COLGALT2: variants seen among roughly 807,000 people sequenced by gnomAD.
COLGALT2 encodes the protein procollagen galactosyltransferase 2.
Under a neutral mutation model 73.4 loss-of-function variants are expected in COLGALT2, and 49 were observed. That is an observed-to-expected ratio of 0.67 (90% CI 0.53 to 0.85). The LOEUF (loss-of-function observed/expected upper bound fraction) is 0.85, where lower values mean the gene tolerates loss of function less well. COLGALT2 is among the 40% of genes least tolerant of loss of function. The probability of loss-of-function intolerance (pLI) is 0.00; values close to 1 mark genes in which losing one functional copy is unlikely to be tolerated. For synonymous variants in COLGALT2, 295 were observed against 307.6 expected (o/e 0.96, Z 0.43); for missense variants, 722 against 790.2 (o/e 0.91, Z 1.03).
chr1:184,005,207 C>A (rs1672040010), intron 1 of COLGALT2, among the ~76,000 whole-genome samples: 1 of 152,176 alleles, frequency 6.6e-6, no homozygotes, highest in Non-Finnish European at 1.5e-5. Context: ...GCCCAAACTT[C>A]TCCAGGCTCC....
chr1:184,008,077 T>C (rs1672131312), intron 1 of COLGALT2, among the ~76,000 whole-genome samples: 1 of 152,130 alleles, frequency 6.6e-6, no homozygotes, highest in Non-Finnish European at 1.5e-5. Context: ...GGAAATACAT[T>C]AACCAAGTGA....
rs551983616 is a variant in COLGALT2 at position 183,970,921 on chromosome 1, G to A, written c.628-1448C>T. ...GTCTTCCAAGAGATAAAGGGGACTC[G>A]GGTTTTTTAAAGGGCTGCCTAAGTA... On this transcript the variant is annotated intron_variant, in intron 4 of 11. Transcript: ENST00000361927. Among the ~76,000 whole-genome samples the A allele has an allele frequency of 8.5e-5, 13 of 152,234 alleles. No homozygotes were observed. The South Asian group carries it at 2.5e-3, about 29-fold the overall frequency.
intron 1 of COLGALT2, among the ~76,000 whole-genome samples, chr1:184,031,255 C>G (rs1220816925): frequency 1.3e-5 from 2 of 152,168 alleles, no homozygotes; most frequent in Non-Finnish European, 2.9e-5. Flanking sequence ...TTAGTGCCAC[C>G]TTAATCATTT....
At chr1:183,951,379 T>C (rs1670397493) in intron 7 of COLGALT2, among the ~76,000 whole-genome samples, 1 of 152,170 alleles carries the variant, frequency 6.6e-6, no homozygotes. Flanking sequence ...CTCCCTTCTC[T>C]TGAAATAGGA....
At chr1:184,033,365 C>A (rs1649574504) in intron 1 of COLGALT2, among the ~76,000 whole-genome samples, 1 of 152,182 alleles carries the variant, frequency 6.6e-6, no homozygotes, top group Non-Finnish European at 1.5e-5. Context: ...CAATGCCTCA[C>A]AGTTCCCTTC....
In COLGALT2 at chr1:183,973,640, A is replaced by G. The variant is rs947055674; in HGVS notation, c.603T>C (p.Asn201=). 1.7e-5 allele frequency: 27 copies of G among 1,614,126 alleles called. No homozygotes were observed. Among genetic ancestry groups the G allele is most frequent in the Non-Finnish European group, 2.0e-5 (24 of 1,180,010 alleles). Residue 201 remains asparagine (N), a synonymous_variant, in exon 4 of 12, where the codon AAT becomes AAC. Transcript: ENST00000361927. ...CCTTAGGGGTGATTCCGCACCAGAA[A>G]TTAGAATACAGGCCCCGAGACTCCA... is the stretch of plus-strand genomic sequence containing the variant. ...PMLESRGLYS[N]FWCGITPKGF... is the part of the protein sequence containing the mutation.
chr1:183,978,444 G>C lies in COLGALT2; in HGVS notation c.340C>G (p.His114Asp). The change falls in exon 2 of 12, where the codon CAC becomes GAC. Residue 114 changes from histidine to aspartate, a missense_variant. Physicochemically the swap from His to Asp is moderately conservative, Grantham distance 81 (BLOSUM62 -1). Coordinates refer to ENST00000361927, the MANE Select transcript of COLGALT2 (RefSeq NM_015101.4). ...EWLKNVQRLY[H>D]YVEWRPMDEP... The stretch of plus-strand genomic sequence containing the variant: ...TCCATAGGCCTCCACTCCACATAGT[G>C]ATAGAGTCTCTGTACATTTTTCAAC... The C allele has an allele frequency of 6.2e-7, 1 of 1,611,382 alleles. No individual in the cohort carries two copies. Among genetic ancestry groups the C allele is most frequent in the South Asian group, 1.1e-5 (1 of 90,984 alleles).
intron 5 of COLGALT2, among the ~76,000 whole-genome samples, chr1:183,966,809 G>A (rs1428227837): frequency 6.6e-6 from 1 of 152,174 alleles, no homozygotes; most frequent in Non-Finnish European, 1.5e-5. Context: ...ATGACCATAT[G>A]TGCTCTCTTC....
chr1:183,931,275 TC>T (rs1034396990), downstream of COLGALT2, among the ~76,000 whole-genome samples: 2 of 151,990 alleles, frequency 1.3e-5, no homozygotes, highest in Non-Finnish European at 2.9e-5. Context: ...GTGGGCTCCA[TC>T]CCCAGCCTTC....
At chr1:184,028,093 T>C (rs1386818333) in intron 1 of COLGALT2, among the ~76,000 whole-genome samples, 3 of 152,188 alleles carry the variant, frequency 2.0e-5, no homozygotes, top group Non-Finnish European at 2.9e-5. Flanking sequence ...ATAATCATTG[T>C]GGTGTGTGGT....
At chr1:183,931,747 A>G (rs2102780342), downstream of COLGALT2, among the ~76,000 whole-genome samples, 1 of 151,870 alleles carries the variant, frequency 6.6e-6, no homozygotes, top group South Asian at 2.1e-4. Flanking sequence ...TATGTGCTAC[A>G]GTTCCAATTT....
intron 6 of COLGALT2, among the ~76,000 whole-genome samples, chr1:183,961,206 G>A (rs915734357): frequency 6.6e-6 from 1 of 152,186 alleles, no homozygotes; most frequent in African/African-American, 2.4e-5. Context: ...AGCACTAGAG[G>A]TGGCATGTGT....
chr1:183,944,685 G>A (rs1670203019), intron 9 of COLGALT2, among the ~76,000 whole-genome samples: 1 of 152,140 alleles, frequency 6.6e-6, no homozygotes, highest in South Asian at 2.1e-4. Context: ...GGCAGTACGG[G>A]GTGGGGGGGT....
At chr1:183,970,637 A>G (rs1572646866) in intron 4 of COLGALT2, among the ~76,000 whole-genome samples, 1 of 152,026 alleles carries the variant, frequency 6.6e-6, no homozygotes, top group East Asian at 1.9e-4. Flanking sequence ...CATCTTAATC[A>G]CCTTCTAGCC....
chr1:184,035,281 G>A (rs1649638074), intron 1 of COLGALT2, among the ~76,000 whole-genome samples: 1 of 152,134 alleles, frequency 6.6e-6, no homozygotes, highest in African/African-American at 2.4e-5. Context: ...CAACTCCCTC[G>A]TTTTATTGAT....
chr1:184,007,224 A>G (rs991859144), intron 1 of COLGALT2, among the ~76,000 whole-genome samples: 3 of 152,198 alleles, frequency 2.0e-5, no homozygotes, highest in Non-Finnish European at 4.4e-5. Flanking sequence ...ACAGACCTCT[A>G]TGACTCTTGG....
intron 1 of COLGALT2, among the ~76,000 whole-genome samples, chr1:184,017,109 T>C (rs1380307711): frequency 1.3e-5 from 2 of 152,230 alleles, no homozygotes; most frequent in Non-Finnish European, 2.9e-5. Context: ...TAAGGTGCTG[T>C]AATGTATAAA....
downstream of COLGALT2, among the ~76,000 whole-genome samples, chr1:183,931,296 G>A (rs990530199): frequency 6.6e-6 from 1 of 152,130 alleles, no homozygotes; most frequent in Non-Finnish European, 1.5e-5. Context: ...CCAGTCACAT[G>A]AATTCCCACA....
intron 1 of COLGALT2, among the ~76,000 whole-genome samples, chr1:183,993,208 T>C (rs1019478408): frequency 1.3e-5 from 2 of 152,220 alleles, no homozygotes; most frequent in African/African-American, 4.8e-5. Context: ...AAAGTTTGAC[T>C]TTCATGTGGG....
Sources: allele counts gnomAD v4.1 joint callset (sites outside exome capture counted in the v4.1 genomes callset), GRCh38; gene constraint gnomAD v4.1.1; transcripts MANE v1.5; gene names NCBI Gene and HGNC (gene_info 2026-07-23, HGNC 2026-07-21).